The following MYO6 variants were observed in gnomAD, a reference collection of about 807,000 sequenced individuals.
The protein encoded by MYO6 is myosin VI, also known as unconventional myosin-VI.
Under a neutral mutation model 178.7 loss-of-function variants are expected in MYO6, and 74 were observed. The ratio of observed to expected loss-of-function variants is 0.41; its 90% confidence interval spans 0.34 to 0.50. The LOEUF is 0.50. Ranked by LOEUF, MYO6 falls within the 20% of genes least tolerant of loss-of-function variation. The probability of loss-of-function intolerance (pLI) is 0.09; values close to 1 mark genes in which losing one functional copy is unlikely to be tolerated. For missense variants in MYO6, 1,330 were observed against 1,547.4 expected, an observed-to-expected ratio of 0.86 and a Z score of 2.36; for synonymous variants, 477 against 504.6, an observed-to-expected ratio of 0.95 and a Z score of 0.73.
At chr6:75,779,438 GTTGTAGTGAGCCAAGA>G (rs1175820450) in intron 1 of MYO6, among the ~76,000 whole-genome samples, 1 of 152,060 alleles carries the variant, frequency 6.6e-6, no homozygotes, top group Non-Finnish European at 1.5e-5. Context: ...GGAGGTGGAA[GTTGTAGTGAGCCAAGA>G]TTGTGCCACT....
chr6:75,907,854 A>G, intron 31 of MYO6, 146 bp downstream of exon 31: 1 of 682,682 alleles, frequency 1.5e-6, no homozygotes, highest in Non-Finnish European at 2.6e-6. Flanking sequence ...TATTATCTGA[A>G]TCTTTTGGTC....
intron 1 of MYO6, among the ~76,000 whole-genome samples, chr6:75,757,734 G>C (rs1777583769): frequency 6.6e-6 from 1 of 151,864 alleles, no homozygotes; most frequent in Admixed American, 6.6e-5. Context: ...CATTTCTCTA[G>C]GCTTCAGTTT....
intron 9 of MYO6, among the ~76,000 whole-genome samples, chr6:75,844,470 TCTTAA>T (rs968966336): frequency 2.0e-5 from 3 of 152,142 alleles, no homozygotes; most frequent in African/African-American, 4.8e-5. Flanking sequence ...GGATAGAATT[TCTTAA>T]CTTCTCAGAA....
chr6:75,793,956 A>G (rs977214336), intron 1 of MYO6, among the ~76,000 whole-genome samples: 4 of 152,218 alleles, frequency 2.6e-5, no homozygotes, highest in Admixed American at 6.5e-5. Context: ...CTAAATATGA[A>G]TGGAAAACAA....
rs140241690 is a variant in MYO6 at position 75,890,096 on chromosome 6, G to A, written c.2698G>A (p.Asp900Asn). Reference sequence around the variant, plus strand: ...GCAGGAACAAATCCAGAAAGAATATGATGCACTGGTTAAAAGCTCAGAGGA... The same window carrying A: ...GCAGGAACAAATCCAGAAAGAATATAATGCACTGGTTAAAAGCTCAGAGGA... ...MTQEQIQKEY[D>N]ALVKSSEELL... Residue 900 changes from aspartate (D) to asparagine (N), a missense_variant, in exon 26 of 35, where the codon GAT becomes AAT. Asp to Asn is a conservative substitution (Grantham distance 23, BLOSUM62 1). This residue lies in a region of MYO6 where 601 missense variants were observed against 626.1 expected (regional missense o/e 0.96). Transcript: ENST00000369977. 2.5e-6 allele frequency: 4 copies of A among 1,613,596 alleles called. No homozygotes were observed. Among genetic ancestry groups the A allele is most frequent in the Non-Finnish European group, 3.4e-6 (4 of 1,179,934 alleles).
At chr6:75,844,751 A>T (rs1774567658) in intron 9 of MYO6, 146 bp from the exon 10 acceptor site, 1 of 595,470 alleles carries the variant, frequency 1.7e-6, no homozygotes, top group African/African-American at 1.9e-5. Flanking sequence ...ATATAGAAGT[A>T]TTGATTTGAA....
At chr6:75,815,455 A>G (rs1290901662) in intron 1 of MYO6, among the ~76,000 whole-genome samples, 1 of 152,218 alleles carries the variant, frequency 6.6e-6, no homozygotes, top group Non-Finnish European at 1.5e-5. Context: ...GGCTAGAGCA[A>G]CAACTTTGAG....
At chr6:75,894,827 C>A in intron 28 of MYO6, 1 of 1,520,220 alleles carries the variant, frequency 6.6e-7, no homozygotes, top group Admixed American at 2.1e-5. Context: ...GGATTCCTAT[C>A]CGGTAACTTC....
chr6:75,789,564 C>T (rs1275558862), intron 1 of MYO6, among the ~76,000 whole-genome samples: 4 of 151,944 alleles, frequency 2.6e-5, no homozygotes, highest in South Asian at 4.2e-4. Flanking sequence ...TCCCTCTCCA[C>T]CTCTTTTTTT....
chr6:75,750,531 A>ATTTT (rs530813379), intron 1 of MYO6, among the ~76,000 whole-genome samples: 1 of 134,378 alleles, frequency 7.4e-6, no homozygotes, highest in East Asian at 2.1e-4. Flanking sequence ...AATAAGCCTC[A>ATTTT]TTTTTTTTTT....
intron 1 of MYO6, among the ~76,000 whole-genome samples, chr6:75,792,951 AT>A (rs199523760): frequency 5.2e-4 from 77 of 147,076 alleles, no homozygotes; most frequent in African/African-American, 1.6e-3. Flanking sequence ...ACCCAGCTAA[AT>A]TTTTTTTTTT....
chr6:75,896,349 CATG>C (rs1779301332), intron 29 of MYO6, among the ~76,000 whole-genome samples: 1 of 152,222 alleles, frequency 6.6e-6, no homozygotes, highest in African/African-American at 2.4e-5. Context: ...TAGTAGAAGA[CATG>C]ATAAGCGATC....
rs1168881632 is a variant in MYO6, at chr6:75,866,561, T to C, written c.1710T>C (p.Asn570=). The part of the protein sequence containing the change: ...PRKSKLAVHR[N]IRDDEGFIIR... ...AATCTAAGCTGGCAGTTCATAGGAA[T>C]ATCAGAGACGACGAAGGCTTCATTA... Residue 570 remains asparagine, a synonymous_variant, in exon 17 of 35, where the codon AAT becomes AAC. Coordinates refer to ENST00000369977, the MANE Select transcript of MYO6 (RefSeq NM_004999.4). 1.2e-6 allele frequency: 2 copies of C among 1,613,958 alleles called. No individual in the cohort carries two copies. Among genetic ancestry groups the C allele is most frequent in the East Asian group, 2.2e-5 (1 of 44,890 alleles).
At chr6:75,835,281 A>T (rs952142184) in intron 6 of MYO6, among the ~76,000 whole-genome samples, 5 of 152,228 alleles carry the variant, frequency 3.3e-5, no homozygotes, top group Admixed American at 3.3e-4. Flanking sequence ...GTTAAATGCA[A>T]TACAAATAGA....
chr6:75,858,272 A>AT (rs1775896339), intron 13 of MYO6, among the ~76,000 whole-genome samples: 1 of 152,142 alleles, frequency 6.6e-6, no homozygotes, highest in African/African-American at 2.4e-5. Flanking sequence ...ATTTTAAGTA[A>AT]TTTTTGTGCT....
At chr6:75,824,837 G>GCAA (rs1450731738) in intron 3 of MYO6, among the ~76,000 whole-genome samples, 1 of 149,502 alleles carries the variant, frequency 6.7e-6, no homozygotes, top group Non-Finnish European at 1.5e-5. Flanking sequence ...TCAGCTCACT[G>GCAA]CAACCTTCGC....
chr6:75,852,068 A>G (rs1039153970), intron 11 of MYO6, among the ~76,000 whole-genome samples: 28 of 151,982 alleles, frequency 1.8e-4, no homozygotes, highest in African/African-American at 6.5e-4. Flanking sequence ...TGAAAACTTT[A>G]CATGATAGTA....
rs1392106162 is a variant in MYO6 at position 75,816,263 on chromosome 6, G to T, written c.-47-1238G>T. 2.6e-5 allele frequency among the ~76,000 whole-genome samples: 4 copies of T among 152,238 alleles called. No homozygotes were observed. In the East Asian group the frequency reaches 7.7e-4, roughly 29 times the overall value. On this transcript the variant is annotated intron_variant, in intron 1 of 34. Coordinates refer to ENST00000369977, the MANE Select transcript of MYO6 (RefSeq NM_004999.4). ...AGACATGAAAGAATACATACTGTAT[G>T]ATGTCACTTATATGAAGTTCAGGAA...
intron 1 of MYO6, among the ~76,000 whole-genome samples, chr6:75,767,243 C>G (rs1778503417): frequency 6.6e-6 from 1 of 152,064 alleles, no homozygotes; most frequent in Non-Finnish European, 1.5e-5. Flanking sequence ...CTAGGCTGGT[C>G]TCGAACTCCT....
Sources: allele counts gnomAD v4.1 joint callset (sites outside exome capture counted in the v4.1 genomes callset), GRCh38; gene constraint gnomAD v4.1.1; regional missense constraint gnomAD v4.1.1; transcripts MANE v1.5; gene names NCBI Gene and HGNC (gene_info 2026-07-23, HGNC 2026-07-21).